ZYG11B: variants seen among roughly 807,000 people sequenced by gnomAD.
ZYG11B encodes zyg-11 family member B, cell cycle regulator.
In ZYG11B, 36 loss-of-function variants were observed where a neutral mutation model predicts 82.4. That is an observed-to-expected ratio of 0.44 (90% CI 0.33 to 0.58). ZYG11B has a LOEUF of 0.58. Ranked by LOEUF, ZYG11B falls within the 20% of genes least tolerant of loss-of-function variation. The pLI, the probability that ZYG11B is intolerant of heterozygous loss-of-function variation, is 0.02. For synonymous variants in ZYG11B, 303 were observed against 312.8 expected (o/e 0.97, Z 0.33); for missense variants, 552 against 895.6 (o/e 0.62, Z 4.90).
Position 52,821,893 on chromosome 1 carries a change from G to T in ZYG11B, c.*264G>T. The T allele has an allele frequency of 3.1e-6, 1 of 318,624 alleles. No homozygotes were observed. The highest frequency in any genetic ancestry group is 2.1e-5 in the African/African-American group (1 of 47,216). The allele number at this position is 318,624 out of a possible 1,614,324, so 19.7% of individuals were successfully genotyped here. A position where few individuals can be genotyped will look rare whatever the true frequency, so the allele number is the denominator to read the frequency against. On this transcript the variant is annotated 3_prime_UTR_variant, in exon 14 of 14. Transcript: ENST00000294353. ...TCTTTCAGTGTTTGAACTTACTTGTGCTTGAGATTCTACAGTTTTATGGTA... is the reference window on the plus strand; with the variant it reads ...TCTTTCAGTGTTTGAACTTACTTGTTCTTGAGATTCTACAGTTTTATGGTA...
chr1:52,773,836 G>T (rs546437093), intron 3 of ZYG11B, among the ~76,000 whole-genome samples: 2 of 150,124 alleles, frequency 1.3e-5, no homozygotes, highest in African/African-American at 4.9e-5. Context: ...AGAGACAGGG[G>T]TTCACCATGT....
intron 1 of ZYG11B, among the ~76,000 whole-genome samples, chr1:52,727,335 C>A (rs989877713): frequency 6.6e-6 from 1 of 152,034 alleles, no homozygotes; most frequent in African/African-American, 2.4e-5. Context: ...TCTTCCTTTT[C>A]GTTTTTGGAG....
chr1:52,800,088 C>T (rs994026585), intron 8 of ZYG11B, among the ~76,000 whole-genome samples: 17 of 151,186 alleles, frequency 1.1e-4, no homozygotes, highest in Non-Finnish European at 2.4e-4. Context: ...CCAGCATGGT[C>T]AACATAGCAA....
intron 13 of ZYG11B, among the ~76,000 whole-genome samples, chr1:52,820,153 A>G (rs1010920881): frequency 2.9e-4 from 44 of 151,326 alleles, no homozygotes; most frequent in African/African-American, 9.7e-4. Flanking sequence ...TGACCTCGTT[A>G]TCTGCTCGCC....
At chr1:52,749,517 A>G (rs1288362291) in intron 1 of ZYG11B, among the ~76,000 whole-genome samples, 1 of 152,240 alleles carries the variant, frequency 6.6e-6, no homozygotes, top group Admixed American at 6.5e-5. Context: ...TGAAGAAACT[A>G]AACTTGCTGG....
In ZYG11B at chr1:52,817,652, C is replaced by T. The variant is rs111742749; in HGVS notation, c.2044+1023C>T. Among the ~76,000 whole-genome samples the T allele has an allele frequency of 5.7e-3, 853 of 150,580 alleles. 5 individuals carry two copies. Among genetic ancestry groups the T allele is most frequent in the Non-Finnish European group, 9.4e-3 (636 of 67,700 alleles). On this transcript the variant is annotated intron_variant, in intron 13 of 13. Coordinates refer to ENST00000294353, the MANE Select transcript of ZYG11B (RefSeq NM_024646.3). ...CTGCCTGCCTCTTCCTCCCAAAGTG[C>T]TGGCATTACAGGCGTCAGCCATCAA...
At chr1:52,776,275 A>C (rs946421467) in intron 3 of ZYG11B, among the ~76,000 whole-genome samples, 2 of 121,646 alleles carry the variant, frequency 1.6e-5, no homozygotes, top group Non-Finnish European at 3.8e-5. Flanking sequence ...GCACGCCTAT[A>C]ATCCCAGCAC....
chr1:52,773,885 C>T (rs958911136), intron 3 of ZYG11B, among the ~76,000 whole-genome samples: 6 of 151,364 alleles, frequency 4.0e-5, no homozygotes, highest in Non-Finnish European at 1.5e-5. Flanking sequence ...TCAGGCAGTT[C>T]GCCTGTCTTG....
chr1:52,772,675 C>CT, intron 3 of ZYG11B: 2 of 764,076 alleles, frequency 2.6e-6, no homozygotes, highest in Non-Finnish European at 4.7e-6. Flanking sequence ...CAACGAAAGG[C>CT]TTGTTTTTTT....
chr1:52,776,229 A>AAAAAAAAAAAAATATATATATAT, intron 3 of ZYG11B, among the ~76,000 whole-genome samples: 4 of 23,534 alleles, frequency 1.7e-4, no homozygotes, highest in African/African-American at 2.8e-4. Flanking sequence ...TAAAAAAAAA[A>AAAAAAAAAAAAATATATATATAT]ATATATATAT....
At position 52,790,123 on chromosome 1, in the gene ZYG11B, C is replaced by T. The variant is rs1644944434; in HGVS notation, c.1334+56C>T. ...GCAAAACAGAATGTTAGAAATCTGT[C>T]TTGGGTCATTTCTTACCATTTAGGA... On this transcript the variant is annotated intron_variant, in intron 6 of 13. Transcript: ENST00000294353. 3.1e-6 allele frequency: 4 copies of T among 1,275,964 alleles called. No homozygotes were observed. The African/African-American group carries it at 4.4e-5, about 14-fold the overall frequency. The allele number at this position is 1,275,964 out of a possible 1,614,324, so 79.0% of individuals were successfully genotyped here. A position where few individuals can be genotyped will look rare whatever the true frequency, so the allele number is the denominator to read the frequency against.
At chr1:52,785,178 G>A (rs188168292) in intron 5 of ZYG11B, 125 bp downstream of exon 5, 6 of 1,052,302 alleles carry the variant, frequency 5.7e-6, no homozygotes, top group Admixed American at 5.9e-5. Context: ...ATGACTGAGT[G>A]TAAGAAAACA....
chr1:52,771,546 T>C lies in ZYG11B; in HGVS notation c.723T>C (p.His241=). ...TTCGGGAACTCAAACATCTGAATCATCTTGATATCTCAGATGATAAACAGT... is the reference window on the plus strand; with the variant it reads ...TTCGGGAACTCAAACATCTGAATCACCTTGATATCTCAGATGATAAACAGT... ...DVVRELKHLN[H]LDISDDKQFT... Residue 241 remains histidine (H), a synonymous_variant, in exon 3 of 14, where the codon CAT becomes CAC. Transcript: ENST00000294353. The surrounding 1 kb of genome is among the most constrained non-coding windows in gnomAD (Gnocchi z 5.4). 1.2e-6 allele frequency: 2 copies of C among 1,614,158 alleles called. No homozygotes were observed. Among genetic ancestry groups the C allele is most frequent in the Non-Finnish European group, 1.7e-6 (2 of 1,180,010 alleles).
At chr1:52,793,614 C>G (rs1452047269) in intron 6 of ZYG11B, among the ~76,000 whole-genome samples, 2 of 152,140 alleles carry the variant, frequency 1.3e-5, no homozygotes, top group East Asian at 3.9e-4. Context: ...TTATTGTTAT[C>G]ATTAACATTA....
intron 6 of ZYG11B, among the ~76,000 whole-genome samples, chr1:52,790,606 A>C (rs1005154331): frequency 1.3e-5 from 2 of 151,218 alleles, no homozygotes; most frequent in Non-Finnish European, 1.5e-5. Context: ...CTGGAATCCC[A>C]GCTACTCGGG....
At chr1:52,772,219 G>A in intron 3 of ZYG11B, 1 of 1,445,466 alleles carries the variant, frequency 6.9e-7, no homozygotes, top group Non-Finnish European at 9.7e-7. Context: ...AGAGGCTGTA[G>A]ATGATTCATA....
intron 1 of ZYG11B, among the ~76,000 whole-genome samples, chr1:52,729,004 C>G (rs1405330954): frequency 2.6e-5 from 4 of 152,146 alleles, no homozygotes; most frequent in African/African-American, 9.7e-5. Context: ...TTAGCCCATT[C>G]AATCTACTGT....
At chr1:52,801,558 C>G (rs879442814) in intron 8 of ZYG11B, among the ~76,000 whole-genome samples, 46 of 151,608 alleles carry the variant, frequency 3.0e-4, no homozygotes, top group Non-Finnish European at 5.0e-4. Flanking sequence ...GATAGTTGAC[C>G]GAAGTTTTAA....
intron 5 of ZYG11B, among the ~76,000 whole-genome samples, chr1:52,785,484 G>A (rs1644905692): frequency 1.3e-5 from 2 of 152,078 alleles, no homozygotes; most frequent in South Asian, 4.1e-4. Context: ...TTTAAACAGA[G>A]TCTTGCTCTG....
Sources: allele counts gnomAD v4.1 joint callset (sites outside exome capture counted in the v4.1 genomes callset), GRCh38; gene constraint gnomAD v4.1.1; non-coding constraint Gnocchi (gnomAD v3.1); transcripts MANE v1.5; gene names NCBI Gene and HGNC (gene_info 2026-07-23, HGNC 2026-07-21).